The following TNPO2 variants were observed in gnomAD, a reference collection of about 807,000 sequenced individuals.
TNPO2 encodes transportin 2, also known as transportin-2.
Under a neutral mutation model 111.1 loss-of-function variants are expected in TNPO2, and 16 were observed. The ratio of observed to expected loss-of-function variants is 0.14; its 90% confidence interval spans 0.10 to 0.22. The LOEUF (loss-of-function observed/expected upper bound fraction) is 0.22. TNPO2 is among the 10% of genes least tolerant of loss of function. The probability of loss-of-function intolerance (pLI) is 1.00; values close to 1 mark genes in which losing one functional copy is unlikely to be tolerated. For missense variants in TNPO2, 530 were observed against 1,173.7 expected (o/e 0.45, Z 8.01); for synonymous variants, 481 against 475.8 (o/e 1.01, Z -0.14).
Position 12,705,648 on chromosome 19 carries a change from A to G in TNPO2, c.1755+34T>C. 1.3e-6 allele frequency: 2 copies of G among 1,566,954 alleles called. No individual in the cohort carries two copies. Among genetic ancestry groups the G allele is most frequent in the South Asian group, 2.3e-5 (2 of 85,584 alleles). On this transcript the variant is annotated intron_variant, in intron 16 of 25. Coordinates refer to ENST00000425528, the MANE Select transcript of TNPO2 (RefSeq NM_001382241.1). The surrounding 1 kb of genome is among the most constrained non-coding windows in gnomAD (Gnocchi z 7.2). ...GGAGAACTCAGGCAGGGTGGGCAGG[A>G]TGGGTTTCGGGTGAGGGGCAGGAGC... is the stretch of plus-strand genomic sequence containing the variant.
At position 12,721,938 on chromosome 19, in the gene TNPO2, C is replaced by G. The variant is rs1055202426; in HGVS notation, c.-13-948G>C. 5.3e-5 allele frequency among the ~76,000 whole-genome samples: 8 copies of G among 151,424 alleles called. No homozygotes were observed. The highest frequency in any genetic ancestry group is 3.9e-4 in the Admixed American group (6 of 15,202). ...CCCCCAGTTCGGCCTGGGTAAACAC[C>G]CCCCGGGGCATTCCCCTCAACGGAT... On this transcript the variant is annotated intron_variant, in intron 2 of 25. Coordinates refer to ENST00000425528, the MANE Select transcript of TNPO2 (RefSeq NM_001382241.1). This position sits in a 1 kb window ranked among gnomAD's most constrained non-coding sequence, Gnocchi z 4.9.
At chr19:12,703,689 G>A (rs1431473336) in intron 19 of TNPO2, 25 bp downstream of exon 19, 1 of 1,604,772 alleles carries the variant, frequency 6.2e-7, no homozygotes, top group Admixed American at 1.7e-5. Flanking sequence ...GGGGTCATGG[G>A]TTAGGGACAA....
Position 12,706,856 on chromosome 19 carries a change from G to GGA in TNPO2, c.1271-63_1271-62dup, listed in dbSNP as rs2025703481. The GGA allele has an allele frequency of 1.5e-6, 2 of 1,371,930 alleles. No homozygotes were observed. The highest frequency in any genetic ancestry group is 1.4e-5 in the African/African-American group (1 of 69,454). The allele number at this position is 1,371,930 out of a possible 1,614,324, so 85.0% of individuals were successfully genotyped here. A position where few individuals can be genotyped will look rare whatever the true frequency, so the allele number is the denominator to read the frequency against. ...TTGGGCCCAGCCACACCCACCGTAT[G>GGA]GAGAGAAGAGTCAGCCGCACACAAC... On this transcript the variant is annotated intron_variant, in intron 13 of 25. Coordinates refer to ENST00000425528, the MANE Select transcript of TNPO2 (RefSeq NM_001382241.1). The surrounding 1 kb of genome is among the most constrained non-coding windows in gnomAD (Gnocchi z 7.0).
chr19:12,710,697 T>A lies in TNPO2; in HGVS notation c.1194A>T (p.Leu398=). The part of the protein sequence containing the change: ...REELLPHLLP[L]LKGLLFHPEW... ...CGGGGTGGAAGAGGAGGCCTTTGAG[T>A]AGTGGGAGTAGGTGGGGCAGCAGTT... The change falls in exon 13 of 26, where the codon CTA becomes CTT. Residue 398 remains leucine, a synonymous_variant. Transcript: ENST00000425528. 6.2e-7 allele frequency: 1 copy of A among 1,613,364 alleles called. No homozygotes were observed. Among genetic ancestry groups the A allele is most frequent in the Non-Finnish European group, 8.5e-7 (1 of 1,179,678 alleles).
Position 12,701,894 on chromosome 19 carries a change from C to A in TNPO2, c.2412-43G>T, listed in dbSNP as rs200277390. On this transcript the variant is annotated intron_variant, in intron 22 of 25. Transcript: ENST00000425528. The surrounding 1 kb of genome is among the most constrained non-coding windows in gnomAD (Gnocchi z 5.0). ...GCTGGAGGTCAGAGGGCAGGCTGGG[C>A]ATGCATCTGTGGAGGGCTGGGTCAC... The A allele has an allele frequency of 4.1e-5, 64 of 1,562,924 alleles. No individual in the cohort carries two copies. The African/African-American group carries it at 7.7e-4, about 19-fold the overall frequency.
intron 12 of TNPO2, among the ~76,000 whole-genome samples, 161 bp from the exon 13 acceptor site, chr19:12,710,934 G>A (rs1164033376): frequency 1.3e-5 from 2 of 151,756 alleles, no homozygotes; most frequent in African/African-American, 4.8e-5. Context: ...CACTTTTTCC[G>A]CCCAGGCCGG....
intron 20 of TNPO2, 129 bp downstream of exon 20, chr19:12,703,299 C>T (rs1267548349): frequency 5.3e-6 from 4 of 761,036 alleles, no homozygotes; most frequent in African/African-American, 3.5e-5. Flanking sequence ...GACCTTTCTG[C>T]TTGGCTCCAC....
chr19:12,708,071 C>T (rs1014600703), intron 13 of TNPO2, among the ~76,000 whole-genome samples: 5 of 152,228 alleles, frequency 3.3e-5, no homozygotes, highest in African/African-American at 1.2e-4. Flanking sequence ...ATTCAACCGC[C>T]TCGGCCTCCC....
chr19:12,712,664 T>C (rs2026131901), intron 10 of TNPO2, among the ~76,000 whole-genome samples: 1 of 152,194 alleles, frequency 6.6e-6, no homozygotes, highest in African/African-American at 2.4e-5. Flanking sequence ...AGTGGACACG[T>C]GACCCATGTG....
intron 18 of TNPO2, among the ~76,000 whole-genome samples, chr19:12,704,607 G>C (rs2025524515): frequency 6.6e-6 from 1 of 152,150 alleles, no homozygotes; most frequent in African/African-American, 2.4e-5. Flanking sequence ...CTTGAATCTT[G>C]GGATGTAGAA....
At position 12,702,375 on chromosome 19, in the gene TNPO2, C is replaced by T; in HGVS notation, c.2306-198G>A. The T allele has an allele frequency of 2.9e-6, 2 of 693,144 alleles. No homozygotes were observed. Among genetic ancestry groups the T allele is most frequent in the Non-Finnish European group, 5.3e-6 (2 of 380,774 alleles). The allele number at this position is 693,144 out of a possible 1,614,324, so 42.9% of individuals were successfully genotyped here. On this transcript the variant is annotated intron_variant, in intron 21 of 25. Coordinates refer to ENST00000425528, the MANE Select transcript of TNPO2 (RefSeq NM_001382241.1). The surrounding 1 kb of genome is among the most constrained non-coding windows in gnomAD (Gnocchi z 5.5). ...CATCTATCTTTCTTTCTTTCCTTTC[C>T]CTTTCCTTTTTGTTTTTTTTTGTTT...
Position 12,705,434 on chromosome 19 carries a change from G to A in TNPO2, c.1864-36C>T. The A allele has an allele frequency of 6.3e-7, 1 of 1,574,850 alleles. No homozygotes were observed. On this transcript the variant is annotated intron_variant, in intron 17 of 25. Coordinates refer to ENST00000425528, the MANE Select transcript of TNPO2 (RefSeq NM_001382241.1). This position sits in a 1 kb window ranked among gnomAD's most constrained non-coding sequence, Gnocchi z 7.2. The stretch of plus-strand genomic sequence containing the variant: ...ATGCCGACAGGGGCACGGGTAAGTG[G>A]AGCAGGCCCGAGGCAGGCCAATGCA...
Position 12,719,478 on chromosome 19 carries a change from C to T in TNPO2, c.100-142G>A, listed in dbSNP as rs2026548053. On this transcript the variant is annotated intron_variant, in intron 3 of 25. Coordinates refer to ENST00000425528, the MANE Select transcript of TNPO2 (RefSeq NM_001382241.1). The surrounding 1 kb of genome is among the most constrained non-coding windows in gnomAD (Gnocchi z 5.0). ...CCGCTCCCTAATAAGCCCACAATGA[C>T]ACAGAGCACCTCAGACACGTCAAAT... The T allele has an allele frequency of 2.8e-6, 2 of 714,530 alleles. No individual in the cohort carries two copies. Among genetic ancestry groups the T allele is most frequent in the Non-Finnish European group, 5.0e-6 (2 of 403,476 alleles). The allele number at this position is 714,530 out of a possible 1,614,324, so 44.3% of individuals were successfully genotyped here.
At chr19:12,710,838 G>A in intron 12 of TNPO2, 65 bp from the exon 13 acceptor site, 4 of 1,426,502 alleles carry the variant, frequency 2.8e-6, no homozygotes, top group Non-Finnish European at 3.8e-6. Context: ...GACCCTCCTT[G>A]ACTGCACTCC....
In TNPO2 at chr19:12,701,221, CCGA is replaced by C. The variant is rs1158273735; in HGVS notation, c.*40_*42del. ...TGCAGCGCACTCCCCAGTAATCCCT[CCGA>C]CGACGACGCAGACAGAAACCTGCAG... On this transcript the variant is annotated 3_prime_UTR_variant, in exon 26 of 26. Transcript: ENST00000425528. This position sits in a 1 kb window ranked among gnomAD's most constrained non-coding sequence, Gnocchi z 5.0. The C allele has an allele frequency of 5.4e-6, 4 of 745,096 alleles. No homozygotes were observed. Among genetic ancestry groups the C allele is most frequent in the African/African-American group, 5.3e-5 (3 of 56,168 alleles). The allele number at this position is 745,096 out of a possible 1,614,324, so 46.2% of individuals were successfully genotyped here.
chr19:12,703,306 C>G (rs1258843752), intron 20 of TNPO2, 122 bp downstream of exon 20: 6 of 820,698 alleles, frequency 7.3e-6, no homozygotes, highest in Non-Finnish European at 9.9e-6. Context: ...CTGCTTGGCT[C>G]CACCCCTGAC....
In TNPO2 at chr19:12,703,697, C is replaced by T. The variant is rs1213889646; in HGVS notation, c.2110+17G>A. 2 of 1,605,302 alleles carry T rather than the reference C, an allele frequency of 1.2e-6. No individual in the cohort carries two copies. The highest frequency in any genetic ancestry group is 1.7e-6 in the Non-Finnish European group (2 of 1,175,698). ...CGGGGCTGGGGTCATGGGTTAGGGA[C>T]AAGGCGAGTGTCGTACCGATACAGG... On this transcript the variant is annotated intron_variant, in intron 19 of 25. Coordinates refer to ENST00000425528, the MANE Select transcript of TNPO2 (RefSeq NM_001382241.1).
In TNPO2 at chr19:12,719,954, CTT is replaced by C. The variant is rs780055881; in HGVS notation, c.100-620_100-619del. Among the ~76,000 whole-genome samples, 23 of 141,370 alleles carry C rather than the reference CTT, an allele frequency of 1.6e-4. No individual in the cohort carries two copies. Among genetic ancestry groups the C allele is most frequent in the Admixed American group, 3.5e-4 (5 of 14,108 alleles). 92.7% of individuals were successfully genotyped at this position (141,370 alleles called of 152,430 possible). On this transcript the variant is annotated intron_variant, in intron 3 of 25. Transcript: ENST00000425528. This position sits in a 1 kb window ranked among gnomAD's most constrained non-coding sequence, Gnocchi z 5.0. ...GATCCCCACTAACAGGCCATGAAGA[CTT>C]TTTTTTTTTTTTTAAAAGAGGGAAT...
intron 12 of TNPO2, among the ~76,000 whole-genome samples, chr19:12,711,040 GC>G (rs894027883): frequency 6.6e-6 from 1 of 152,068 alleles, no homozygotes; most frequent in African/African-American, 2.4e-5. Context: ...GACTACAGGC[GC>G]CCGACACCAC....
Sources: gnomAD v4.1 joint callset for allele counts (sites outside exome capture counted in the v4.1 genomes callset) on GRCh38, gnomAD v4.1.1 for gene constraint, Gnocchi (gnomAD v3.1) non-coding constraint, MANE v1.5 for transcripts, NCBI Gene and HGNC (gene_info 2026-07-23, HGNC 2026-07-21) for gene names.